Variants in GRIA4 observed in about 807,000 individuals in gnomAD.
GRIA4 encodes glutamate ionotropic receptor AMPA type subunit 4.
A neutral mutation model predicts 104.0 loss-of-function variants in GRIA4; 34 were observed. The observed-to-expected ratio is 0.33, with a 90% confidence interval of 0.25 to 0.44. The LOEUF is 0.44. Among genes scored for constraint, GRIA4 ranks in the 20% least tolerant of loss-of-function variants. The probability of loss-of-function intolerance (pLI) is 1.00; values close to 1 mark genes in which losing one functional copy is unlikely to be tolerated. For missense variants in GRIA4, 750 were observed against 1,096.5 expected (o/e 0.68, Z 4.46); for synonymous variants, 386 against 381.9 (o/e 1.01, Z -0.13).
chr11:105,728,720 A>G lies in GRIA4; in HGVS notation c.248-24261A>G, dbSNP rs150939804. On this transcript the variant is annotated intron_variant, in intron 3 of 16. Transcript: ENST00000282499. ...AACTCGCTCAAAACCTCACAACTAC[A>G]TGGAAACTGAATAACCTGCTCCTGA... is the stretch of plus-strand genomic sequence containing the variant. Among the ~76,000 whole-genome samples the G allele has an allele frequency of 5.1e-3, 771 of 152,310 alleles. 17 individuals carry two copies. Among genetic ancestry groups the G allele is most frequent in the African/African-American group, 0.017 (719 of 41,580 alleles).
chr11:105,661,798 T>C (rs1410979502), intron 3 of GRIA4, among the ~76,000 whole-genome samples: 1 of 151,744 alleles, frequency 6.6e-6, no homozygotes, highest in East Asian at 1.9e-4. Context: ...CACTTGTCCC[T>C]AGGGAACAGG....
chr11:105,960,733 TGGGAC>T (rs941020815), intron 14 of GRIA4, among the ~76,000 whole-genome samples: 4 of 152,238 alleles, frequency 2.6e-5, no homozygotes, highest in African/African-American at 7.2e-5. Context: ...GTTCCAAGGT[TGGGAC>T]GCTAGGCCCC....
intron 3 of GRIA4, among the ~76,000 whole-genome samples, chr11:105,734,800 T>A (rs1938830278): frequency 1.3e-5 from 2 of 152,200 alleles, no homozygotes; most frequent in Non-Finnish European, 2.9e-5. Context: ...TGCATCCTTA[T>A]ACTATCCTTT....
At chr11:105,654,132 T>C (rs1197946093) in intron 3 of GRIA4, among the ~76,000 whole-genome samples, 1 of 151,234 alleles carries the variant, frequency 6.6e-6, no homozygotes, top group Non-Finnish European at 1.5e-5. Flanking sequence ...CTGTGAAATC[T>C]GAGAAAGTTG....
At chr11:105,906,508 A>G (rs1223008788) in intron 9 of GRIA4, among the ~76,000 whole-genome samples, 1 of 152,168 alleles carries the variant, frequency 6.6e-6, no homozygotes, top group East Asian at 1.9e-4. Context: ...TGATATATGG[A>G]AAATGGCAAA....
chr11:105,725,145 TAA>T (rs1938115155), intron 3 of GRIA4, among the ~76,000 whole-genome samples: 1 of 152,156 alleles, frequency 6.6e-6, no homozygotes, highest in Non-Finnish European at 1.5e-5. Context: ...GTAGAATAAT[TAA>T]ATATATAGAA....
chr11:105,628,377 G>T (rs2135299268), intron 3 of GRIA4, among the ~76,000 whole-genome samples: 1 of 152,158 alleles, frequency 6.6e-6, no homozygotes, highest in Non-Finnish European at 1.5e-5. Context: ...TGCTGATACG[G>T]TTTGGCTGTG....
chr11:105,831,706 C>T (rs1450924787), intron 4 of GRIA4, among the ~76,000 whole-genome samples: 1 of 151,976 alleles, frequency 6.6e-6, no homozygotes, highest in Non-Finnish European at 1.5e-5. Context: ...AGACTCTTCT[C>T]TATTGTAGGA....
At chr11:105,963,360 C>A (rs140940033) in intron 14 of GRIA4, among the ~76,000 whole-genome samples, 213 of 152,112 alleles carry the variant, frequency 1.4e-3, no homozygotes, top group African/African-American at 5.0e-3. Flanking sequence ...TTCTAAGGAG[C>A]CCTTTAGACC....
intron 5 of GRIA4, 86 bp from the exon 6 acceptor site, chr11:105,887,433 G>A (rs1946304356): frequency 8.1e-6 from 5 of 617,218 alleles, no homozygotes; most frequent in Non-Finnish European, 1.4e-5. Context: ...ATTCTACATG[G>A]AATTATGCTA....
intron 8 of GRIA4, among the ~76,000 whole-genome samples, chr11:105,904,854 G>A (rs1422594544): frequency 6.6e-6 from 1 of 151,866 alleles, no homozygotes. Context: ...TCCATTTTGT[G>A]GATATATAGA....
intron 4 of GRIA4, among the ~76,000 whole-genome samples, chr11:105,815,682 A>G (rs919218208): frequency 1.3e-5 from 2 of 152,206 alleles, no homozygotes; most frequent in Non-Finnish European, 2.9e-5. Context: ...GACCAAAAAA[A>G]AAAATGTGGA....
At chr11:105,888,918 T>C (rs1208941072) in intron 6 of GRIA4, among the ~76,000 whole-genome samples, 1 of 151,798 alleles carries the variant, frequency 6.6e-6, no homozygotes, top group Non-Finnish European at 1.5e-5. Context: ...TTTAGTAGAG[T>C]GTTTCACTAT....
chr11:105,634,472 A>AGAAAGAAAGAAAGAAAGAAAGAAAGG (rs1951136448), intron 3 of GRIA4, among the ~76,000 whole-genome samples: 2 of 47,618 alleles, frequency 4.2e-5, no homozygotes, highest in African/African-American at 1.2e-4. Flanking sequence ...AGAAAGGGAA[A>AGAAAGAAAGAAAGAAAGAAAGAAAGG]GAAAGAAAGA....
In GRIA4 at chr11:105,931,045, A is replaced by T. The variant is rs185130506; in HGVS notation, c.2047-2677A>T. The stretch of plus-strand genomic sequence containing the variant: ...CCTGTATCAAGTGAATCAGAGAGGC[A>T]ATATTTTTCAGAACTTGTAAAATGA... On this transcript the variant is annotated intron_variant, in intron 13 of 16. Transcript: ENST00000282499. Among the ~76,000 whole-genome samples the T allele has an allele frequency of 4.0e-3, 602 of 152,264 alleles. 4 individuals carry two copies. Among genetic ancestry groups the T allele is most frequent in the African/African-American group, 0.013 (555 of 41,556 alleles).
At chr11:105,726,440 G>C (rs985412505) in intron 3 of GRIA4, among the ~76,000 whole-genome samples, 4 of 152,122 alleles carry the variant, frequency 2.6e-5, no homozygotes, top group Non-Finnish European at 5.9e-5. Flanking sequence ...AGGGCACCTG[G>C]GGGGAGGGGC....
At chr11:105,739,511 T>C (rs990214488) in intron 3 of GRIA4, among the ~76,000 whole-genome samples, 4 of 152,182 alleles carry the variant, frequency 2.6e-5, no homozygotes, top group Non-Finnish European at 5.9e-5. Context: ...TTTTGTGTAA[T>C]TTGCATTTCA....
chr11:105,826,465 C>T (rs115502875), intron 4 of GRIA4, among the ~76,000 whole-genome samples: 4,582 of 152,082 alleles, frequency 0.03, 146 homozygotes, highest in African/African-American at 0.079. Context: ...AGCTTCCATA[C>T]AGCAGCCAAT....
chr11:105,925,429 G>C (rs1194835030), intron 12 of GRIA4, among the ~76,000 whole-genome samples: 1 of 151,964 alleles, frequency 6.6e-6, no homozygotes, highest in Non-Finnish European at 1.5e-5. Context: ...GGCTTCTTTT[G>C]CAAGAAAAAA....
Sources: gnomAD v4.1 joint callset for allele counts (sites outside exome capture counted in the v4.1 genomes callset) on GRCh38, gnomAD v4.1.1 for gene constraint, MANE v1.5 for transcripts, NCBI Gene and HGNC (gene_info 2026-07-23, HGNC 2026-07-21) for gene names.